The following FOXO3 variants were observed in gnomAD, a reference collection of about 807,000 sequenced individuals.
FOXO3 encodes forkhead box O3.
A neutral mutation model predicts 41.9 loss-of-function variants in FOXO3; 4 were observed. That is an observed-to-expected ratio of 0.10 (90% CI 0.05 to 0.22). FOXO3 has a LOEUF of 0.22. Among genes scored for constraint, FOXO3 ranks in the 10% least tolerant of loss-of-function variants. FOXO3 has a pLI of 1.00. For missense variants in FOXO3, 534 were observed against 906.8 expected (o/e 0.59, Z 5.28); for synonymous variants, 318 against 389.3 (o/e 0.82, Z 2.16).
intron 1 of FOXO3, among the ~76,000 whole-genome samples, chr6:108,610,649 G>A (rs1777334619): frequency 1.3e-5 from 2 of 152,172 alleles, no homozygotes; most frequent in South Asian, 4.1e-4. Context: ...GTGTAAAACA[G>A]TGCAGAGAGC....
At chr6:108,584,855 T>C (rs1776530693) in intron 1 of FOXO3, among the ~76,000 whole-genome samples, 2 of 152,008 alleles carry the variant, frequency 1.3e-5, no homozygotes, top group Non-Finnish European at 2.9e-5. Flanking sequence ...AGTAGTACTA[T>C]AGTGAGAGGT....
chr6:108,669,748 C>T (rs1779161600), intron 2 of FOXO3, among the ~76,000 whole-genome samples: 1 of 152,106 alleles, frequency 6.6e-6, no homozygotes, highest in Non-Finnish European at 1.5e-5. Flanking sequence ...TCCTGGAAAG[C>T]AGTGACATTT....
intron 2 of FOXO3, among the ~76,000 whole-genome samples, chr6:108,670,805 T>C (rs1779195074): frequency 6.6e-6 from 1 of 152,210 alleles, no homozygotes; most frequent in South Asian, 2.1e-4. Flanking sequence ...TGCTGAGTTT[T>C]TTGTATGACC....
intron 1 of FOXO3, among the ~76,000 whole-genome samples, chr6:108,614,897 C>T (rs754477648): frequency 2.6e-5 from 4 of 151,640 alleles, no homozygotes; most frequent in Non-Finnish European, 5.9e-5. Context: ...TTAATGAACC[C>T]GTGTTATCTC....
At position 108,561,820 on chromosome 6, in the gene FOXO3, C is replaced by T. The variant is rs747292650; in HGVS notation, c.612C>T (p.Ala204=). The T allele has an allele frequency of 1.6e-5, 25 of 1,579,144 alleles. No homozygotes were observed. In the East Asian group the frequency reaches 4.3e-4, roughly 27 times the overall value. The change falls in exon 1 of 3, where the codon GCC becomes GCT. Residue 204 remains alanine, a synonymous_variant. Transcript: ENST00000406360. The part of the protein sequence containing the change: ...FKDKGDSNSS[A]GWKNSIRHNL... ...ATAAGGGCGACAGCAACAGCTCTGCCGGCTGGAAGGTGCGTACCCACCCCG... is the reference window on the plus strand; with the variant it reads ...ATAAGGGCGACAGCAACAGCTCTGCTGGCTGGAAGGTGCGTACCCACCCCG...
chr6:108,563,281 C>T (rs1015409933), intron 1 of FOXO3, among the ~76,000 whole-genome samples: 2 of 152,194 alleles, frequency 1.3e-5, no homozygotes, highest in African/African-American at 4.8e-5. Flanking sequence ...AAGCAAAACA[C>T]GTGTGCTTTG....
At chr6:108,582,652 T>C (rs200467896) in intron 1 of FOXO3, among the ~76,000 whole-genome samples, 4 of 152,114 alleles carry the variant, frequency 2.6e-5, no homozygotes, top group Non-Finnish European at 4.4e-5. Flanking sequence ...TTTTTTTTTT[T>C]CCCCAAGGAG....
chr6:108,577,174 C>T (rs1165084405), intron 1 of FOXO3, among the ~76,000 whole-genome samples: 1 of 146,852 alleles, frequency 6.8e-6, no homozygotes, highest in African/African-American at 2.5e-5. Context: ...GTTAAAAGTT[C>T]TTTGCCCCAA....
At chr6:108,663,382 T>TATGA in intron 1 of FOXO3, 73 bp from the exon 2 acceptor site, 1 of 1,515,756 alleles carries the variant, frequency 6.6e-7, no homozygotes, top group Non-Finnish European at 8.8e-7. Context: ...AGGAGTCTGA[T>TATGA]TTACTATATC....
chr6:108,670,554 T>C (rs556850916), intron 2 of FOXO3, among the ~76,000 whole-genome samples: 3 of 152,202 alleles, frequency 2.0e-5, no homozygotes, highest in African/African-American at 7.2e-5. Flanking sequence ...AATTGCATTA[T>C]TTCCAAGAGA....
chr6:108,574,246 G>T (rs1776199726), intron 1 of FOXO3, among the ~76,000 whole-genome samples: 1 of 152,108 alleles, frequency 6.6e-6, no homozygotes, highest in African/African-American at 2.4e-5. Context: ...AAACCTGTTG[G>T]TTTGGTGATT....
chr6:108,618,984 G>T (rs1777594365), intron 1 of FOXO3, among the ~76,000 whole-genome samples: 1 of 152,160 alleles, frequency 6.6e-6, no homozygotes, highest in Admixed American at 6.5e-5. Flanking sequence ...GTAAGTTCAG[G>T]CAAATAAGTT....
chr6:108,560,853 A>T (rs184776034), upstream of FOXO3: 2 of 522,294 alleles, frequency 3.8e-6, no homozygotes, highest in Non-Finnish European at 5.3e-6. Flanking sequence ...CGGCGGGGGG[A>T]GGGGGCTGCC....
intron 1 of FOXO3, among the ~76,000 whole-genome samples, chr6:108,600,546 CAAAAAAAAAA>C (rs56888212): frequency 2.1e-5 from 1 of 47,774 alleles, no homozygotes; most frequent in African/African-American, 1.1e-4. Flanking sequence ...GTCTCCATCT[CAAAAAAAAAA>C]AAAAAAAAAA....
intron 1 of FOXO3, among the ~76,000 whole-genome samples, chr6:108,649,147 T>C (rs1778477389): frequency 6.6e-6 from 1 of 152,106 alleles, no homozygotes. Flanking sequence ...TAGTCTATTT[T>C]GCATTGGTTC....
intron 1 of FOXO3, among the ~76,000 whole-genome samples, chr6:108,631,538 G>T (rs1252607567): frequency 2.6e-5 from 4 of 152,070 alleles, no homozygotes; most frequent in Non-Finnish European, 5.9e-5. Context: ...TGTTGGTCCA[G>T]GTTTTTTCTG....
At chr6:108,588,322 T>C (rs1363763954) in intron 1 of FOXO3, among the ~76,000 whole-genome samples, 1 of 152,192 alleles carries the variant, frequency 6.6e-6, no homozygotes, top group African/African-American at 2.4e-5. Context: ...GACCATTGAC[T>C]GGATGTTGTA....
At chr6:108,645,609 A>G (rs1778374646) in intron 1 of FOXO3, among the ~76,000 whole-genome samples, 1 of 152,152 alleles carries the variant, frequency 6.6e-6, no homozygotes, top group Non-Finnish European at 1.5e-5. Flanking sequence ...GGCCAGGAGG[A>G]TTACTGTTAG....
chr6:108,633,545 A>C (rs759622353), intron 1 of FOXO3, among the ~76,000 whole-genome samples: 12 of 152,220 alleles, frequency 7.9e-5, no homozygotes, highest in Non-Finnish European at 1.5e-4. Context: ...AAATGACAAA[A>C]AATTGTTAGG....
Sources: allele counts gnomAD v4.1 joint callset (sites outside exome capture counted in the v4.1 genomes callset), GRCh38; gene constraint gnomAD v4.1.1; transcripts MANE v1.5; gene names NCBI Gene and HGNC (gene_info 2026-07-23, HGNC 2026-07-21).